The following SPAG16 variants were observed in gnomAD, a reference collection of about 807,000 sequenced individuals.
SPAG16 encodes the protein sperm associated antigen 16.
A neutral mutation model predicts 80.4 loss-of-function variants in SPAG16; 86 were observed. That is an observed-to-expected ratio of 1.07 (90% CI 0.90 to 1.28). SPAG16 has a LOEUF of 1.28. Among genes scored for constraint, SPAG16 ranks in the 50% most tolerant of loss-of-function variants. SPAG16 has a pLI of 0.00. For missense variants in SPAG16, 870 were observed against 765.3 expected (o/e 1.14, Z -1.61); for synonymous variants, 294 against 265.9 (o/e 1.11, Z -1.03).
chr2:214,054,237 T>C (rs1236102411), intron 13 of SPAG16, among the ~76,000 whole-genome samples: 1 of 152,176 alleles, frequency 6.6e-6, no homozygotes, highest in Admixed American at 6.5e-5. Context: ...CTCGAACTCC[T>C]GACCTCAGGT....
At chr2:214,192,844 A>G (rs146065386) in intron 15 of SPAG16, among the ~76,000 whole-genome samples, 11 of 152,262 alleles carry the variant, frequency 7.2e-5, no homozygotes, top group African/African-American at 1.9e-4. Context: ...TGAGACTGCA[A>G]TAAGCTTCTG....
intron 11 of SPAG16, among the ~76,000 whole-genome samples, chr2:213,870,633 A>G (rs2075909882): frequency 6.6e-6 from 1 of 152,158 alleles, no homozygotes; most frequent in South Asian, 2.1e-4. Flanking sequence ...GGTTTTCATG[A>G]ATGTTCCACG....
chr2:213,749,613 T>C (rs2067992319), intron 10 of SPAG16, among the ~76,000 whole-genome samples: 1 of 152,242 alleles, frequency 6.6e-6, no homozygotes, highest in Non-Finnish European at 1.5e-5. Flanking sequence ...TTGTATACTA[T>C]AGATTTAAAT....
chr2:213,531,580 A>G (rs2076069637), intron 10 of SPAG16, among the ~76,000 whole-genome samples: 1 of 152,100 alleles, frequency 6.6e-6, no homozygotes, highest in Admixed American at 6.6e-5. Context: ...GCTTTTGCAC[A>G]GTACCTACGG....
At chr2:214,326,381 C>A (rs1696480552) in intron 15 of SPAG16, among the ~76,000 whole-genome samples, 1 of 152,132 alleles carries the variant, frequency 6.6e-6, no homozygotes, top group African/African-American at 2.4e-5. Context: ...CTGCTGACAC[C>A]TTGATTTTGG....
chr2:213,575,762 G>A (rs933180915), intron 10 of SPAG16, among the ~76,000 whole-genome samples: 1 of 152,046 alleles, frequency 6.6e-6, no homozygotes, highest in Admixed American at 6.6e-5. Context: ...TCAATACAAT[G>A]CAATGGATAT....
In SPAG16 at chr2:213,375,745, C is replaced by T. The variant is rs1222372333; in HGVS notation, c.942+626C>T. Reference sequence around the variant, plus strand: ...GATTTTCTTGTAAGGCAGTTGTTACCTTAGAGTTCTAAAATATCTGGCACT... The same window carrying T: ...GATTTTCTTGTAAGGCAGTTGTTACTTTAGAGTTCTAAAATATCTGGCACT... On this transcript the variant is annotated intron_variant, in intron 9 of 15. Transcript: ENST00000331683. Among the ~76,000 whole-genome samples the T allele has an allele frequency of 2.6e-5, 4 of 151,840 alleles. No homozygotes were observed. The East Asian group carries it at 7.7e-4, about 29-fold the overall frequency.
intron 10 of SPAG16, among the ~76,000 whole-genome samples, chr2:213,584,008 T>C (rs967278391): frequency 6.6e-6 from 1 of 152,230 alleles, no homozygotes; most frequent in Admixed American, 6.5e-5. Flanking sequence ...TGAAAAATCA[T>C]GGACTAACCT....
intron 9 of SPAG16, among the ~76,000 whole-genome samples, chr2:213,446,464 G>A (rs2071316615): frequency 6.6e-6 from 1 of 152,190 alleles, no homozygotes; most frequent in East Asian, 1.9e-4. Flanking sequence ...ATTAATAACA[G>A]AATAGACAAA....
intron 13 of SPAG16, among the ~76,000 whole-genome samples, chr2:214,025,701 TA>T (rs1406393785): frequency 6.6e-6 from 1 of 151,624 alleles, no homozygotes; most frequent in East Asian, 1.9e-4. Context: ...AGCAATTCAT[TA>T]AATTACATTT....
At chr2:214,251,905 T>G (rs1690319650) in intron 15 of SPAG16, among the ~76,000 whole-genome samples, 1 of 152,150 alleles carries the variant, frequency 6.6e-6, no homozygotes, top group Non-Finnish European at 1.5e-5. Flanking sequence ...ACTGATAAAG[T>G]AGTAGAATGC....
chr2:213,339,686 A>G (rs1018931567), intron 5 of SPAG16, among the ~76,000 whole-genome samples: 1 of 152,186 alleles, frequency 6.6e-6, no homozygotes. Flanking sequence ...TTGGTTTTCT[A>G]GAATTTATAT....
chr2:213,443,358 TC>T (rs2071102143), intron 9 of SPAG16, among the ~76,000 whole-genome samples: 1 of 152,334 alleles, frequency 6.6e-6, no homozygotes, highest in South Asian at 2.1e-4. Flanking sequence ...GTTTCTGTTT[TC>T]AACTTTTCTT....
intron 12 of SPAG16, among the ~76,000 whole-genome samples, chr2:213,974,829 G>T (rs1441510802): frequency 6.6e-6 from 1 of 151,568 alleles, no homozygotes; most frequent in African/African-American, 2.4e-5. Flanking sequence ...ACCAGCAAAT[G>T]GTAGAGCTGG....
chr2:213,454,175 T>A (rs906910323), intron 9 of SPAG16, among the ~76,000 whole-genome samples: 26 of 152,166 alleles, frequency 1.7e-4, no homozygotes, highest in African/African-American at 6.0e-4. Context: ...CAGCTTTTTC[T>A]CTCTTCTCTA....
At chr2:213,706,889 A>G (rs1020149072) in intron 10 of SPAG16, among the ~76,000 whole-genome samples, 5 of 152,186 alleles carry the variant, frequency 3.3e-5, no homozygotes, top group Non-Finnish European at 4.4e-5. Flanking sequence ...AGTCATTAAC[A>G]TGGCGGTCAA....
At chr2:213,828,202 CT>C (rs1189189395) in intron 10 of SPAG16, among the ~76,000 whole-genome samples, 1 of 151,864 alleles carries the variant, frequency 6.6e-6, no homozygotes, top group Non-Finnish European at 1.5e-5. Flanking sequence ...TGTGCTTATT[CT>C]TTTTTATTCT....
intron 10 of SPAG16, among the ~76,000 whole-genome samples, chr2:213,729,547 G>C (rs2066934117): frequency 6.6e-6 from 1 of 152,166 alleles, no homozygotes; most frequent in South Asian, 2.1e-4. Context: ...TTATCAGGTA[G>C]CATTATCTTG....
rs1559108485 is a variant in SPAG16, at chr2:214,178,012, T to TA, written c.1720+28746_1720+28747insA. ...ATATATATATATATATATATATATA[T>TA]TCATACTTTATTTGTACATATAAAC... On this transcript the variant is annotated intron_variant, in intron 15 of 15. Coordinates refer to ENST00000331683, the MANE Select transcript of SPAG16 (RefSeq NM_024532.5). 7.8e-4 allele frequency among the ~76,000 whole-genome samples: 40 copies of TA among 51,538 alleles called. 1 individual carries two copies. The highest frequency in any genetic ancestry group is 2.1e-3 in the Non-Finnish European group (32 of 15,310). 33.8% of individuals were successfully genotyped at this position (51,538 alleles called of 152,430 possible).
Sources: allele counts gnomAD v4.1 joint callset (sites outside exome capture counted in the v4.1 genomes callset), GRCh38; gene constraint gnomAD v4.1.1; transcripts MANE v1.5; gene names NCBI Gene and HGNC (gene_info 2026-07-23, HGNC 2026-07-21).